Variants in EGFLAM observed in about 807,000 individuals in gnomAD.
The protein encoded by EGFLAM is pikachurin.
Under a neutral mutation model 113.1 loss-of-function variants are expected in EGFLAM, and 79 were observed. The observed-to-expected ratio is 0.70, with a 90% CI of 0.58 to 0.84. The LOEUF is 0.84. EGFLAM is among the 40% of genes least tolerant of loss of function. EGFLAM has a pLI of 0.00. For synonymous variants in EGFLAM, 504 were observed against 487.6 expected (o/e 1.03, Z -0.44); for missense variants, 1,265 against 1,291.6 (o/e 0.98, Z 0.32).
chr5:38,421,085 AG>A, intron 12 of EGFLAM, among the ~76,000 whole-genome samples: 1 of 152,194 alleles, frequency 6.6e-6, no homozygotes. Flanking sequence ...CAGCCTCACC[AG>A]GGAGGTCATG....
intron 1 of EGFLAM, among the ~76,000 whole-genome samples, chr5:38,294,353 G>T (rs538580873): frequency 1.3e-5 from 2 of 152,282 alleles, no homozygotes; most frequent in East Asian, 3.9e-4. Flanking sequence ...AACATAAGGA[G>T]TGGGGACATA....
chr5:38,445,448 AGAG>A, intron 17 of EGFLAM: 1 of 1,384,312 alleles, frequency 7.2e-7, no homozygotes, highest in African/African-American at 1.4e-5. Context: ...TAAGCCGAGA[AGAG>A]GTGAGGAGGC....
intron 5 of EGFLAM, among the ~76,000 whole-genome samples, chr5:38,361,701 G>A (rs1337726772): frequency 2.0e-5 from 3 of 152,152 alleles, no homozygotes; most frequent in Admixed American, 1.3e-4. Flanking sequence ...GTCCTAGGCC[G>A]CATGTGGCCC....
At chr5:38,417,347 C>CAAAAAAAAAAAAAA (rs752613827) in intron 11 of EGFLAM, among the ~76,000 whole-genome samples, 4 of 78,478 alleles carry the variant, frequency 5.1e-5, no homozygotes, top group African/African-American at 1.0e-4. Flanking sequence ...GACTCTGTCT[C>CAAAAAAAAAAAAAA]AAAAAAAAAA....
chr5:38,311,817 G>A (rs1035403725), intron 1 of EGFLAM, among the ~76,000 whole-genome samples: 3 of 152,196 alleles, frequency 2.0e-5, no homozygotes, highest in Non-Finnish European at 4.4e-5. Context: ...GGAAGGAATG[G>A]TTACAGGAGG....
chr5:38,259,666 A>G (rs1757450322), intron 1 of EGFLAM, among the ~76,000 whole-genome samples: 1 of 152,212 alleles, frequency 6.6e-6, no homozygotes, highest in African/African-American at 2.4e-5. Flanking sequence ...TTTTGCTGGG[A>G]CCATATTTAG....
chr5:38,334,326 G>A (rs915469061), intron 1 of EGFLAM, among the ~76,000 whole-genome samples: 1 of 152,284 alleles, frequency 6.6e-6, no homozygotes, highest in East Asian at 1.9e-4. Context: ...ATTTTTCACA[G>A]TTCTGGAGGC....
chr5:38,362,348 C>G (rs1276148770), intron 5 of EGFLAM, among the ~76,000 whole-genome samples: 1 of 152,154 alleles, frequency 6.6e-6, no homozygotes, highest in African/African-American at 2.4e-5. Context: ...TTCTTCAGAG[C>G]ATTTTACTGG....
intron 12 of EGFLAM, among the ~76,000 whole-genome samples, chr5:38,420,791 G>A (rs774234825): frequency 3.9e-5 from 6 of 152,184 alleles, no homozygotes; most frequent in Non-Finnish European, 8.8e-5. Flanking sequence ...ATTTCTGCCA[G>A]CTTTGTTAAT....
chr5:38,427,734 C>T (rs13184051), intron 14 of EGFLAM, among the ~76,000 whole-genome samples: 1 of 152,120 alleles, frequency 6.6e-6, no homozygotes, highest in Non-Finnish European at 1.5e-5. Flanking sequence ...TCCTCTTGAA[C>T]TATTTCTTTA....
intron 1 of EGFLAM, among the ~76,000 whole-genome samples, chr5:38,278,200 C>T (rs1157905412): frequency 1.3e-5 from 2 of 152,036 alleles, no homozygotes; most frequent in African/African-American, 2.4e-5. Context: ...GACACATAGA[C>T]CAGTGGAACA....
chr5:38,267,051 A>G (rs1452953579), intron 1 of EGFLAM, among the ~76,000 whole-genome samples: 1 of 152,210 alleles, frequency 6.6e-6, no homozygotes, highest in Admixed American at 6.5e-5. Flanking sequence ...ATATGATCTA[A>G]CAATAGTCAT....
chr5:38,330,138 A>G (rs1031070075), intron 1 of EGFLAM, among the ~76,000 whole-genome samples: 3 of 152,168 alleles, frequency 2.0e-5, no homozygotes, highest in Non-Finnish European at 2.9e-5. Flanking sequence ...CTCCTTCTAG[A>G]TGCCATTACT....
Position 38,448,303 on chromosome 5 carries a change from ATCATAGAAGCCATT to A in EGFLAM, c.2468_2481del (p.Ile823ArgfsTer14). On this transcript the variant is annotated frameshift_variant, in exon 18 of 22. Transcript: ENST00000322350. LOFTEE classifies it high-confidence loss of function. ...CTCCTTTTTCTGTTCTGTCCCAGCGATCATAGAAGCCATTGAGATCCCGCAGTTTATCGGCCGCA... is the reference window on the plus strand; with the variant it reads ...CTCCTTTTTCTGTTCTGTCCCAGCGAGAGATCCCGCAGTTTATCGGCCGCA... 1 of 1,614,182 alleles carries A rather than the reference ATCATAGAAGCCATT, an allele frequency of 6.2e-7. No homozygotes were observed. The highest frequency in any genetic ancestry group is 2.2e-5 in the East Asian group (1 of 44,880).
chr5:38,288,107 T>G (rs1758213803), intron 1 of EGFLAM, among the ~76,000 whole-genome samples: 1 of 152,238 alleles, frequency 6.6e-6, no homozygotes, highest in Non-Finnish European at 1.5e-5. Flanking sequence ...AGGTACATTA[T>G]GAACTGCTTT....
intron 12 of EGFLAM, among the ~76,000 whole-genome samples, chr5:38,419,644 C>T (rs1741764596): frequency 6.6e-6 from 1 of 152,182 alleles, no homozygotes; most frequent in Non-Finnish European, 1.5e-5. Flanking sequence ...ATTAGTTGAG[C>T]ACCTACTTTA....
intron 1 of EGFLAM, among the ~76,000 whole-genome samples, chr5:38,332,292 T>A (rs1739063787): frequency 6.6e-6 from 1 of 152,194 alleles, no homozygotes; most frequent in African/African-American, 2.4e-5. Flanking sequence ...CTTTTTTTAT[T>A]TTTATTTTAG....
chr5:38,329,854 A>G (rs142826361), intron 1 of EGFLAM, among the ~76,000 whole-genome samples: 27 of 152,232 alleles, frequency 1.8e-4, no homozygotes, highest in African/African-American at 6.0e-4. Flanking sequence ...TTGTGTCCCT[A>G]TGTCTCTCTT....
intron 8 of EGFLAM, among the ~76,000 whole-genome samples, chr5:38,407,441 T>A (rs1211340953): frequency 1.3e-5 from 2 of 152,206 alleles, no homozygotes; most frequent in African/African-American, 4.8e-5. Flanking sequence ...ATCACATCTC[T>A]ACCAAAATAC....
Sources: allele counts gnomAD v4.1 joint callset (sites outside exome capture counted in the v4.1 genomes callset), GRCh38; gene constraint gnomAD v4.1.1; transcripts MANE v1.5; gene names NCBI Gene and HGNC (gene_info 2026-07-23, HGNC 2026-07-21).